Variants in KCNH7 observed in about 807,000 individuals in gnomAD.
KCNH7 encodes potassium voltage-gated channel subfamily H member 7.
In KCNH7, 49 loss-of-function variants were observed where a neutral mutation model predicts 120.8. The ratio of observed to expected loss-of-function variants is 0.41; its 90% CI spans 0.32 to 0.51. The LOEUF is 0.51. Among genes scored for constraint, KCNH7 ranks in the 20% least tolerant of loss-of-function variants. The pLI is 0.38. For synonymous variants in KCNH7, 547 were observed against 516.1 expected (o/e 1.06, Z -0.81); for missense variants, 1,097 against 1,446.6 (o/e 0.76, Z 3.92).
At chr2:162,416,375 GAAAAAAA>G (rs962524373) in intron 9 of KCNH7, among the ~76,000 whole-genome samples, 6 of 65,718 alleles carry the variant, frequency 9.1e-5, no homozygotes, top group Admixed American at 3.5e-4. Context: ...TCCGTCTCTA[GAAAAAAA>G]AAAAAAAAAA....
At chr2:162,804,433 A>T (rs776039971) in intron 2 of KCNH7, among the ~76,000 whole-genome samples, 2 of 151,978 alleles carry the variant, frequency 1.3e-5, no homozygotes, top group Non-Finnish European at 2.9e-5. Flanking sequence ...TATACCAACA[A>T]TGACCAAGCT....
chr2:162,626,223 C>A (rs745318035), intron 2 of KCNH7, among the ~76,000 whole-genome samples: 3 of 152,002 alleles, frequency 2.0e-5, no homozygotes, highest in Non-Finnish European at 4.4e-5. Context: ...AGCAAACAGG[C>A]GATTTGTTAA....
chr2:162,493,947 A>G (rs1574026428), intron 6 of KCNH7, among the ~76,000 whole-genome samples: 2 of 152,212 alleles, frequency 1.3e-5, no homozygotes, highest in African/African-American at 2.4e-5. Context: ...ACCAACTTCA[A>G]AAAGGTACTA....
chr2:162,610,225 G>A (rs1160342431), intron 2 of KCNH7, among the ~76,000 whole-genome samples: 4 of 152,272 alleles, frequency 2.6e-5, no homozygotes, highest in Admixed American at 2.0e-4. Context: ...TAACCTGAGA[G>A]GTTATGGAGA....
chr2:162,486,884 T>C (rs1304149250), intron 6 of KCNH7, among the ~76,000 whole-genome samples: 1 of 152,204 alleles, frequency 6.6e-6, no homozygotes, highest in Admixed American at 6.5e-5. Flanking sequence ...AATTCAGGAA[T>C]TTTTAGAACC....
At chr2:162,403,549 A>G (rs1479715386) in intron 9 of KCNH7, among the ~76,000 whole-genome samples, 1 of 151,904 alleles carries the variant, frequency 6.6e-6, no homozygotes, top group Non-Finnish European at 1.5e-5. Flanking sequence ...TTTTCTTATT[A>G]ACTGTCCTCT....
At chr2:162,677,435 C>T (rs1415006076) in intron 2 of KCNH7, among the ~76,000 whole-genome samples, 1 of 151,392 alleles carries the variant, frequency 6.6e-6, no homozygotes, top group Non-Finnish European at 1.5e-5. Flanking sequence ...AAGACCCCAT[C>T]CCTCAGATAC....
chr2:162,539,572 AT>A (rs1170508638), intron 2 of KCNH7, among the ~76,000 whole-genome samples: 2 of 152,032 alleles, frequency 1.3e-5, no homozygotes, highest in Non-Finnish European at 2.9e-5. Context: ...AAATTTTCTG[AT>A]TTAGTAATTT....
At position 162,423,615 on chromosome 2, in the gene KCNH7, A is replaced by G. The variant is rs1024258086; in HGVS notation, c.1955-80T>C. The stretch of plus-strand genomic sequence containing the variant: ...TATTGTTAGAGTATCAAGCATGTGG[A>G]TTTTGATTATCTCAATCTAGTGGGG... On this transcript the variant is annotated intron_variant, in intron 8 of 15. Transcript: ENST00000332142. 13 of 1,272,638 alleles carry G rather than the reference A, an allele frequency of 1.0e-5. No individual in the cohort carries two copies. In the East Asian group the frequency reaches 2.8e-4, roughly 28 times the overall value. 78.8% of individuals were successfully genotyped at this position (1,272,638 alleles called of 1,614,324 possible).
At chr2:162,802,988 A>G (rs1157199709) in intron 2 of KCNH7, among the ~76,000 whole-genome samples, 1 of 151,744 alleles carries the variant, frequency 6.6e-6, no homozygotes, top group Non-Finnish European at 1.5e-5. Context: ...GTAGGAGGCC[A>G]TCCCAAAAGG....
intron 8 of KCNH7, among the ~76,000 whole-genome samples, chr2:162,426,211 CT>C: frequency 9.1e-6 from 1 of 109,702 alleles, no homozygotes; most frequent in Admixed American, 1.1e-4. Flanking sequence ...GAGACCCTAT[CT>C]TTAAAAAAAA....
At chr2:162,442,581 G>A (rs534341089) in intron 7 of KCNH7, among the ~76,000 whole-genome samples, 5 of 152,076 alleles carry the variant, frequency 3.3e-5, no homozygotes, top group East Asian at 2.0e-4. Flanking sequence ...TTTTAGGGCC[G>A]GGCACACTGG....
At chr2:162,530,774 G>GTATCAT (rs1691894949) in intron 3 of KCNH7, among the ~76,000 whole-genome samples, 1 of 151,654 alleles carries the variant, frequency 6.6e-6, no homozygotes, top group African/African-American at 2.4e-5. Flanking sequence ...GAAATAGCCA[G>GTATCAT]TATCATTATT....
chr2:162,782,635 T>C (rs1683542757), intron 2 of KCNH7, among the ~76,000 whole-genome samples: 1 of 152,110 alleles, frequency 6.6e-6, no homozygotes, highest in Non-Finnish European at 1.5e-5. Flanking sequence ...ATAATGAGGA[T>C]AGAAACAGAG....
At chr2:162,663,971 T>A (rs1220883829) in intron 2 of KCNH7, among the ~76,000 whole-genome samples, 3 of 152,106 alleles carry the variant, frequency 2.0e-5, no homozygotes, top group African/African-American at 7.2e-5. Context: ...TTAGCTGACC[T>A]CCTCTACTCA....
At chr2:162,586,908 G>A (rs1029310783) in intron 2 of KCNH7, among the ~76,000 whole-genome samples, 5 of 151,662 alleles carry the variant, frequency 3.3e-5, no homozygotes, top group Admixed American at 6.6e-5. Context: ...TTCTATCATC[G>A]TCATGACCAA....
At chr2:162,434,902 G>A (rs2105520380) in intron 8 of KCNH7, among the ~76,000 whole-genome samples, 1 of 152,006 alleles carries the variant, frequency 6.6e-6, no homozygotes, top group South Asian at 2.1e-4. Context: ...ATAACCATTG[G>A]TAATAAATTA....
intron 6 of KCNH7, among the ~76,000 whole-genome samples, chr2:162,469,295 A>G (rs1285858656): frequency 6.6e-6 from 1 of 152,214 alleles, no homozygotes; most frequent in Non-Finnish European, 1.5e-5. Flanking sequence ...TACCATAGGT[A>G]ACACTTCAGT....
intron 2 of KCNH7, among the ~76,000 whole-genome samples, chr2:162,676,162 T>C (rs989666716): frequency 1.5e-4 from 23 of 151,524 alleles, no homozygotes; most frequent in Middle Eastern, 3.2e-3. Flanking sequence ...TTTGCTTGAA[T>C]ACATTGTAAT....
Sources: allele counts gnomAD v4.1 joint callset (sites outside exome capture counted in the v4.1 genomes callset), GRCh38; gene constraint gnomAD v4.1.1; transcripts MANE v1.5; gene names NCBI Gene and HGNC (gene_info 2026-07-23, HGNC 2026-07-21).